GALNT12: variants seen among roughly 807,000 people sequenced by gnomAD.
The protein encoded by GALNT12 is polypeptide N-acetylgalactosaminyltransferase 12, also known as UDP-GalNAc:polypeptide N-acetylgalactosaminyltransferase 12.
In GALNT12, 45 loss-of-function variants were observed where a neutral mutation model predicts 55.5. The ratio of observed to expected loss-of-function variants is 0.81; its 90% CI spans 0.64 to 1.04. GALNT12 has a LOEUF of 1.04. GALNT12 is among the 50% of genes least tolerant of loss of function. GALNT12 has a pLI of 0.00. For synonymous variants in GALNT12, 304 were observed against 312.2 expected (o/e 0.97, Z 0.28); for missense variants, 709 against 754.8 (o/e 0.94, Z 0.71).
chr9:98,823,320 A>T lies in GALNT12; in HGVS notation c.436A>T (p.Asn146Tyr). ...GACATCTGTTATCATAGCATTTTAT[A>T]ATGAAGCCTGGTCAACTCTCCTTCG... ...PRTSVIIAFY[N>Y]EAWSTLLRTV... Residue 146 changes from asparagine (N) to tyrosine (Y), a missense_variant, in exon 2 of 10, where the codon AAT becomes TAT. Coordinates refer to ENST00000375011, the MANE Select transcript of GALNT12 (RefSeq NM_024642.5). The T allele has an allele frequency of 6.2e-7, 1 of 1,614,078 alleles. No individual in the cohort carries two copies. The highest frequency in any genetic ancestry group is 8.5e-7 in the Non-Finnish European group (1 of 1,179,876).
At chr9:98,811,805 C>G (rs1461473676) in intron 1 of GALNT12, among the ~76,000 whole-genome samples, 1 of 151,610 alleles carries the variant, frequency 6.6e-6, no homozygotes, top group Non-Finnish European at 1.5e-5. Flanking sequence ...GCCTCAGCCT[C>G]CCGAGTAGCT....
chr9:98,807,802 C>G lies in GALNT12; in HGVS notation c.104C>G (p.Ser35Trp), dbSNP rs988592123. The G allele has an allele frequency of 2.8e-6, 3 of 1,080,612 alleles. No homozygotes were observed. The highest frequency in any genetic ancestry group is 5.4e-5 in the Admixed American group (1 of 18,648). 66.9% of individuals were successfully genotyped at this position (1,080,612 alleles called of 1,614,324 possible). A position where few individuals can be genotyped will look rare whatever the true frequency, so the allele number is the denominator to read the frequency against. Reference protein sequence around the residue: ...LALLALAGLGSVLRAQRGAGA... With the variant: ...LALLALAGLGWVLRAQRGAGA... ...CTACTGGCGTTGGCCGGGCTGGGCT[C>G]GGTGCTGCGGGCGCAGCGTGGGGCC... The change falls in exon 1 of 10, where the codon TCG (serine) becomes TGG (tryptophan). Residue 35 changes from serine (S) to tryptophan (W), a missense_variant. Coordinates refer to ENST00000375011, the MANE Select transcript of GALNT12 (RefSeq NM_024642.5).
chr9:98,843,789 A>T (rs1836352088), intron 7 of GALNT12, among the ~76,000 whole-genome samples: 1 of 152,210 alleles, frequency 6.6e-6, no homozygotes. Flanking sequence ...ACCCAGGTAT[A>T]TTTGGACTTG....
rs577684882 is a variant in GALNT12 at position 98,812,591 on chromosome 9, A to T, written c.371+4522A>T. 5.9e-5 allele frequency among the ~76,000 whole-genome samples: 9 copies of T among 152,350 alleles called. No homozygotes were observed. The South Asian group carries it at 1.9e-3, about 32-fold the overall frequency. On this transcript the variant is annotated intron_variant, in intron 1 of 9. Transcript: ENST00000375011. ...TGGGCGACAGAACAAGACTCCATTT[A>T]AAAAGAAAAATCCAAACTGACAATC...
chr9:98,816,413 G>C (rs1007229540), intron 1 of GALNT12, among the ~76,000 whole-genome samples: 1 of 147,860 alleles, frequency 6.8e-6, no homozygotes, highest in Non-Finnish European at 1.5e-5. Flanking sequence ...AAGCAGGGCT[G>C]ACAAGAGAAG....
chr9:98,850,021 C>G lies in GALNT12; in HGVS notation c.*929C>G. On this transcript the variant is annotated 3_prime_UTR_variant, in exon 10 of 10. Coordinates refer to ENST00000375011, the MANE Select transcript of GALNT12 (RefSeq NM_024642.5). ...ATTTGTGAATGATCCCAGACCAACC[C>G]TGAGATTTTGTCAACCTGATTAAGT... The G allele has an allele frequency of 5.0e-6, 1 of 199,346 alleles. No individual in the cohort carries two copies. 12.3% of individuals were successfully genotyped at this position (199,346 alleles called of 1,614,324 possible).
At chr9:98,824,353 T>C (rs544364803) in intron 2 of GALNT12, among the ~76,000 whole-genome samples, 1 of 152,072 alleles carries the variant, frequency 6.6e-6, no homozygotes, top group South Asian at 2.1e-4. Context: ...ACCAGGCTGG[T>C]TTTTCACCTC....
At chr9:98,842,324 A>T (rs577209797) in intron 7 of GALNT12, among the ~76,000 whole-genome samples, 2 of 152,122 alleles carry the variant, frequency 1.3e-5, no homozygotes, top group Admixed American at 1.3e-4. Context: ...CTGGGACTAC[A>T]GGTGAGCACC....
intron 9 of GALNT12, among the ~76,000 whole-genome samples, chr9:98,848,605 C>T (rs575408023): frequency 3.3e-5 from 5 of 152,262 alleles, no homozygotes; most frequent in Middle Eastern, 3.4e-3. Flanking sequence ...TCACCCTGCA[C>T]GGAATGAGTT....
At chr9:98,818,830 T>C (rs1835673186) in intron 1 of GALNT12, among the ~76,000 whole-genome samples, 1 of 152,230 alleles carries the variant, frequency 6.6e-6, no homozygotes, top group Non-Finnish European at 1.5e-5. Flanking sequence ...ACATAGTTTC[T>C]ATGGACTAGG....
intron 1 of GALNT12, among the ~76,000 whole-genome samples, chr9:98,821,540 G>A (rs996382173): frequency 3.1e-4 from 45 of 146,534 alleles, no homozygotes; most frequent in African/African-American, 1.1e-3. Flanking sequence ...TGGGAGAATG[G>A]CATGAACCCG....
At chr9:98,834,670 G>C (rs1423659413) in intron 4 of GALNT12, among the ~76,000 whole-genome samples, 1 of 152,218 alleles carries the variant, frequency 6.6e-6, no homozygotes, top group African/African-American at 2.4e-5. Flanking sequence ...TGCCAGAGTT[G>C]CCTTTAGGGC....
At chr9:98,808,443 C>G (rs574230167) in intron 1 of GALNT12, among the ~76,000 whole-genome samples, 1 of 152,210 alleles carries the variant, frequency 6.6e-6, no homozygotes, top group South Asian at 2.1e-4. Flanking sequence ...GCGAAACTGA[C>G]AACTCCTCCG....
intron 1 of GALNT12, among the ~76,000 whole-genome samples, chr9:98,818,152 C>G (rs1835656249): frequency 6.6e-6 from 1 of 152,156 alleles, no homozygotes; most frequent in African/African-American, 2.4e-5. Flanking sequence ...AAGACATTCT[C>G]TCATGATACC....
Position 98,807,680 on chromosome 9 carries a change from G to T in GALNT12, c.-19G>T. The stretch of plus-strand genomic sequence containing the variant: ...GCCGCCTTGGGGCGCGCAGATCGCT[G>T]GCTGCAGTTGGCGGGCGCATGTGGG... On this transcript the variant is annotated 5_prime_UTR_variant, in exon 1 of 10. Transcript: ENST00000375011. 8.9e-7 allele frequency: 1 copy of T among 1,120,962 alleles called. No homozygotes were observed. Among genetic ancestry groups the T allele is most frequent in the Non-Finnish European group, 1.1e-6 (1 of 919,212 alleles). The allele number at this position is 1,120,962 out of a possible 1,614,324, so 69.4% of individuals were successfully genotyped here. A position where few individuals can be genotyped will look rare whatever the true frequency, so the allele number is the denominator to read the frequency against.
Position 98,831,943 on chromosome 9 carries a change from C to T in GALNT12, c.903C>T (p.Pro301=), listed in dbSNP as rs191834824. The part of the protein sequence containing the change: ...PERERIRMQS[P]VDVIRSPTMA... ...GGGAGAGGATACGGATGCAATCCCC[C>T]GTCGATGTCATCAGGTCAGGAGCTG... is the stretch of plus-strand genomic sequence containing the variant. The change falls in exon 4 of 10, where the codon CCC becomes CCT. Residue 301 remains proline, a synonymous_variant. Transcript: ENST00000375011. The T allele has an allele frequency of 6.9e-5, 112 of 1,613,802 alleles. No individual in the cohort carries two copies. The highest frequency in any genetic ancestry group is 1.2e-4 in the African/African-American group (9 of 75,036).
intron 6 of GALNT12, among the ~76,000 whole-genome samples, chr9:98,838,597 G>C (rs1389061330): frequency 6.6e-6 from 1 of 152,232 alleles, no homozygotes; most frequent in Non-Finnish European, 1.5e-5. Context: ...TTGTGGATGA[G>C]GGATCTGCCT....
intron 2 of GALNT12, among the ~76,000 whole-genome samples, chr9:98,824,920 A>G (rs566984588): frequency 6.6e-6 from 1 of 151,964 alleles, no homozygotes; most frequent in African/African-American, 2.4e-5. Context: ...CCGTGTGGAC[A>G]TTGGTTCTGG....
At chr9:98,823,871 G>C (rs1047819744) in intron 2 of GALNT12, among the ~76,000 whole-genome samples, 1 of 152,228 alleles carries the variant, frequency 6.6e-6, no homozygotes, top group Non-Finnish European at 1.5e-5. Flanking sequence ...GGCAAGGAGG[G>C]TGGAGGGGCC....
Sources: allele counts gnomAD v4.1 joint callset (sites outside exome capture counted in the v4.1 genomes callset), GRCh38; gene constraint gnomAD v4.1.1; transcripts MANE v1.5; gene names NCBI Gene and HGNC (gene_info 2026-07-23, HGNC 2026-07-21).